MAGI2: variants seen among roughly 807,000 people sequenced by gnomAD.
The protein encoded by MAGI2 is membrane-associated guanylate kinase, WW and PDZ domain-containing protein 2.
MAGI2 carries 35 observed loss-of-function variants against 133.3 expected under a neutral mutation model. The ratio of observed to expected loss-of-function variants is 0.26; its 90% CI spans 0.20 to 0.35. MAGI2 has a LOEUF of 0.35. Among genes scored for constraint, MAGI2 ranks in the 10% least tolerant of loss-of-function variants. The probability of loss-of-function intolerance (pLI) is 1.00; values close to 1 mark genes in which losing one functional copy is unlikely to be tolerated. For missense variants in MAGI2, 1,636 were observed against 1,863.4 expected (o/e 0.88, Z 2.25); for synonymous variants, 729 against 710.6 (o/e 1.03, Z -0.41).
At chr7:78,753,566 T>C (rs1284245147) in intron 2 of MAGI2, among the ~76,000 whole-genome samples, 1 of 152,082 alleles carries the variant, frequency 6.6e-6, no homozygotes, top group Non-Finnish European at 1.5e-5. Context: ...GCCAAAAATT[T>C]CCTGAATTTG....
chr7:78,364,009 C>G (rs182657969), intron 7 of MAGI2, among the ~76,000 whole-genome samples: 1 of 152,140 alleles, frequency 6.6e-6, no homozygotes, highest in Non-Finnish European at 1.5e-5. Flanking sequence ...TTCCTCATTT[C>G]TTTCTCGTCT....
At chr7:79,156,624 C>A (rs111792846) in intron 1 of MAGI2, among the ~76,000 whole-genome samples, 1 of 152,046 alleles carries the variant, frequency 6.6e-6, no homozygotes, top group South Asian at 2.1e-4. Context: ...AATTGCCCCA[C>A]CTTTCTGGAC....
At chr7:79,032,557 T>C (rs1810707705) in intron 1 of MAGI2, among the ~76,000 whole-genome samples, 2 of 151,434 alleles carry the variant, frequency 1.3e-5, no homozygotes, top group Non-Finnish European at 2.9e-5. Context: ...ACATTACCCA[T>C]TATGAGAGTG....
chr7:78,740,803 G>A (rs1005227179), intron 2 of MAGI2, among the ~76,000 whole-genome samples: 1 of 152,116 alleles, frequency 6.6e-6, no homozygotes, highest in Non-Finnish European at 1.5e-5. Flanking sequence ...ATATGTGAAA[G>A]CAAACAAAGA....
chr7:79,425,327 G>A (rs2129182532), intron 1 of MAGI2, among the ~76,000 whole-genome samples: 1 of 151,426 alleles, frequency 6.6e-6, no homozygotes. Context: ...TGCATATAAT[G>A]GCTCAGCCAT....
intron 1 of MAGI2, among the ~76,000 whole-genome samples, chr7:79,013,691 CTT>C (rs770661110): frequency 6.6e-6 from 1 of 152,060 alleles, no homozygotes; most frequent in Non-Finnish European, 1.5e-5. Context: ...GAAATTGTGT[CTT>C]TGATTTCTGA....
chr7:78,064,084 T>A (rs1813562077), intron 21 of MAGI2, among the ~76,000 whole-genome samples: 1 of 152,196 alleles, frequency 6.6e-6, no homozygotes, highest in South Asian at 2.1e-4. Context: ...AAGCATAGAC[T>A]TTTCTTTTGT....
intron 3 of MAGI2, among the ~76,000 whole-genome samples, chr7:78,563,013 G>C (rs1800574350): frequency 6.8e-6 from 1 of 147,086 alleles, no homozygotes; most frequent in African/African-American, 2.5e-5. Context: ...TTTTTTTAAT[G>C]AGTGGTCATT....
At chr7:78,390,485 T>A (rs1428272236) in intron 6 of MAGI2, among the ~76,000 whole-genome samples, 1 of 152,186 alleles carries the variant, frequency 6.6e-6, no homozygotes, top group East Asian at 1.9e-4. Flanking sequence ...TGTAAAGGGG[T>A]CCATCGTATA....
chr7:78,994,538 T>G (rs1221564171), intron 2 of MAGI2, among the ~76,000 whole-genome samples: 2 of 152,152 alleles, frequency 1.3e-5, no homozygotes, highest in Non-Finnish European at 2.9e-5. Flanking sequence ...GTCTTCTATA[T>G]TCTGGAGCCT....
chr7:78,232,283 T>C (rs554410811), intron 10 of MAGI2, among the ~76,000 whole-genome samples: 26 of 152,340 alleles, frequency 1.7e-4, no homozygotes, highest in Non-Finnish European at 2.8e-4. Flanking sequence ...CCTTAGTTTA[T>C]GAACAAATAG....
intron 9 of MAGI2, among the ~76,000 whole-genome samples, chr7:78,263,069 A>G (rs1260664542): frequency 6.6e-6 from 1 of 152,148 alleles, no homozygotes; most frequent in East Asian, 1.9e-4. Context: ...TATAAGTGAG[A>G]ACATGTAATA....
rs534261617 is a variant in MAGI2, at chr7:78,717,961, G to A, written c.419-90722C>T. Among the ~76,000 whole-genome samples, 6 of 152,268 alleles carry A rather than the reference G, an allele frequency of 3.9e-5. No homozygotes were observed. The South Asian group carries it at 1.2e-3, about 32-fold the overall frequency. ...CGTTTTCTACAATGGGCAAACCCAAGATAACTCTGTAATGATGGATCCTTT... is the reference window on the plus strand; with the variant it reads ...CGTTTTCTACAATGGGCAAACCCAAAATAACTCTGTAATGATGGATCCTTT... On this transcript the variant is annotated intron_variant, in intron 2 of 21. Transcript: ENST00000354212.
At chr7:78,759,877 C>A (rs985937846) in intron 2 of MAGI2, among the ~76,000 whole-genome samples, 1 of 151,874 alleles carries the variant, frequency 6.6e-6, no homozygotes, top group African/African-American at 2.4e-5. Flanking sequence ...ACCTGTAATC[C>A]CAGCACTTTG....
chr7:79,366,115 G>A (rs1842695217), intron 1 of MAGI2, among the ~76,000 whole-genome samples: 1 of 151,678 alleles, frequency 6.6e-6, no homozygotes, highest in Non-Finnish European at 1.5e-5. Flanking sequence ...GGTGGTGAGA[G>A]CCTGTGGTCC....
At chr7:78,908,961 A>G (rs1798179079) in intron 2 of MAGI2, among the ~76,000 whole-genome samples, 1 of 152,202 alleles carries the variant, frequency 6.6e-6, no homozygotes, top group Admixed American at 6.5e-5. Flanking sequence ...TAATTGACAA[A>G]TGGGATCAAA....
chr7:79,321,033 C>T (rs1168196466), intron 1 of MAGI2, among the ~76,000 whole-genome samples: 1 of 152,060 alleles, frequency 6.6e-6, no homozygotes, highest in Non-Finnish European at 1.5e-5. Flanking sequence ...AGTATATTTA[C>T]TGGGAGTCAT....
At chr7:78,034,208 G>C (rs1365781794) in intron 21 of MAGI2, among the ~76,000 whole-genome samples, 1 of 152,152 alleles carries the variant, frequency 6.6e-6, no homozygotes, top group East Asian at 1.9e-4. Flanking sequence ...TGCCCTTAAG[G>C]AGCTTGTTAT....
Position 79,453,469 on chromosome 7 carries a change from T to G in MAGI2, c.-149A>C, listed in dbSNP as rs754053781. The G allele has an allele frequency of 1.1e-5, 16 of 1,458,000 alleles. No individual in the cohort carries two copies. Among genetic ancestry groups the G allele is most frequent in the Non-Finnish European group, 1.3e-5 (15 of 1,112,222 alleles). The allele number at this position is 1,458,000 out of a possible 1,614,324, so 90.3% of individuals were successfully genotyped here. ...CCTCTATTCGGTGCTTTCCCTCTTC[T>G]TTGGATGGAGTGTGGACGAGGAATG... On this transcript the variant is annotated 5_prime_UTR_variant, in exon 1 of 22. Transcript: ENST00000354212.
Sources: gnomAD v4.1 joint callset for allele counts (sites outside exome capture counted in the v4.1 genomes callset) on GRCh38, gnomAD v4.1.1 for gene constraint, MANE v1.5 for transcripts, NCBI Gene and HGNC (gene_info 2026-07-23, HGNC 2026-07-21) for gene names.